EPS15L1: variants seen among roughly 807,000 people sequenced by gnomAD.
EPS15L1 encodes the protein epidermal growth factor receptor pathway substrate 15 like 1, also known as epidermal growth factor receptor substrate 15-like 1.
A neutral mutation model predicts 117.1 loss-of-function variants in EPS15L1; 43 were observed. That is an observed-to-expected ratio of 0.37 (90% CI 0.29 to 0.47). The LOEUF (loss-of-function observed/expected upper bound fraction) is 0.47. Ranked by LOEUF, EPS15L1 falls within the 20% of genes least tolerant of loss-of-function variation. The pLI, the probability that EPS15L1 is intolerant of heterozygous loss-of-function variation, is 0.99. For missense variants in EPS15L1, 981 were observed against 1,164.0 expected, an observed-to-expected ratio of 0.84 and a Z score of 2.29; for synonymous variants, 459 against 470.5, an observed-to-expected ratio of 0.98 and a Z score of 0.32.
intron 13 of EPS15L1, chr19:16,413,083 T>C: frequency 7.2e-6 from 5 of 693,038 alleles, no homozygotes; most frequent in Non-Finnish European, 1.3e-5. Flanking sequence ...TTTGTTGCTA[T>C]CGGGGACTAC....
intron 20 of EPS15L1, among the ~76,000 whole-genome samples, 159 bp from the exon 21 acceptor site, chr19:16,385,370 C>A (rs1449818599): frequency 6.6e-6 from 1 of 152,154 alleles, no homozygotes; most frequent in Non-Finnish European, 1.5e-5. Context: ...CTCAGCAAGG[C>A]CCCCCTGCCC....
At chr19:16,377,958 A>G (rs940128562) in intron 21 of EPS15L1, among the ~76,000 whole-genome samples, 1 of 152,124 alleles carries the variant, frequency 6.6e-6, no homozygotes, top group Admixed American at 6.5e-5. Flanking sequence ...CTCAAACCCA[A>G]ATCGGACCAT....
At chr19:16,400,922 C>G (rs918200010) in intron 16 of EPS15L1, 1 of 985,290 alleles carries the variant, frequency 1.0e-6, no homozygotes, top group Non-Finnish European at 1.2e-6. Context: ...AAGCTGTTCC[C>G]TGAACGAAGA....
intron 12 of EPS15L1, 105 bp downstream of exon 12, chr19:16,417,447 C>A: frequency 2.1e-6 from 2 of 940,756 alleles, no homozygotes; most frequent in Non-Finnish European, 3.3e-6. Flanking sequence ...TCTGAATAAA[C>A]CTGTGATGAG....
At chr19:16,428,278 C>T (rs113163724) in intron 8 of EPS15L1, among the ~76,000 whole-genome samples, 178 of 151,476 alleles carry the variant, frequency 1.2e-3, no homozygotes, top group African/African-American at 4.1e-3. Flanking sequence ...TTTGGGAGGC[C>T]GAGGCGGGTG....
rs756141315 is a variant in EPS15L1 at position 16,403,753 on chromosome 19, T to C, written c.1606A>G (p.Thr536Ala). The change falls in exon 15 of 24, where the codon ACG (threonine) becomes GCG (alanine). Residue 536 changes from threonine (T) to alanine (A), a missense_variant. By Grantham distance (58) the Thr-to-Ala change is moderately conservative (BLOSUM62 0). Coordinates refer to ENST00000455140, the MANE Select transcript of EPS15L1 (RefSeq NM_001258374.3). ...LETIIKSLKS[T>A]QDEINQARSK... Reference sequence around the variant, plus strand: ...AGTACCTGGTTGATTTCGTCTTGCGTTGACTTCAGGGACTTGATGATGGTT... The same window carrying C: ...AGTACCTGGTTGATTTCGTCTTGCGCTGACTTCAGGGACTTGATGATGGTT... 11 of 1,613,144 alleles carry C rather than the reference T, an allele frequency of 6.8e-6. No homozygotes were observed. The highest frequency in any genetic ancestry group is 9.3e-6 in the Non-Finnish European group (11 of 1,180,010).
At chr19:16,364,765 G>GGCT (rs772930096) in intron 22 of EPS15L1, among the ~76,000 whole-genome samples, 44 of 152,254 alleles carry the variant, frequency 2.9e-4, no homozygotes, top group Non-Finnish European at 5.2e-4. Context: ...GAGCAGAAGG[G>GGCT]GCTCCCTAGG....
chr19:16,450,534 G>A (rs1410431740), intron 1 of EPS15L1, among the ~76,000 whole-genome samples: 1 of 146,408 alleles, frequency 6.8e-6, no homozygotes, highest in Non-Finnish European at 1.5e-5. Flanking sequence ...AGGCTGGAGT[G>A]CAATGGTGCG....
intron 1 of EPS15L1, among the ~76,000 whole-genome samples, chr19:16,460,693 G>T (rs1280237352): frequency 1.3e-5 from 2 of 152,180 alleles, no homozygotes; most frequent in African/African-American, 4.8e-5. Flanking sequence ...CAGCACGGGG[G>T]TGCCGCGGGC....
rs2092777600 is a variant in EPS15L1 at position 16,418,090 on chromosome 19, G to C, written c.965C>G (p.Thr322Arg). 1.2e-6 allele frequency: 2 copies of C among 1,613,626 alleles called. No homozygotes were observed. The highest frequency in any genetic ancestry group is 1.7e-6 in the Non-Finnish European group (2 of 1,179,668). Reference sequence around the variant, plus strand: ...TTTGCTTAACTTCCCCGTTTGCCTCGTATCGGCCAGGGCCCTGGGAGAAAC... The same window carrying C: ...TTTGCTTAACTTCCCCGTTTGCCTCCTATCGGCCAGGGCCCTGGGAGAAAC... ...LLAHIWALAD[T>R]RQTGKLSKDQ... Residue 322 changes from threonine (T) to arginine (R), a missense_variant, in exon 11 of 24, where the codon ACG becomes AGG. By Grantham distance (71) the Thr-to-Arg change is moderately conservative. Transcript: ENST00000455140.
At position 16,431,433 on chromosome 19, in the gene EPS15L1, C is replaced by A. The variant is rs183818439; in HGVS notation, c.499-2672G>T. On this transcript the variant is annotated intron_variant, in intron 7 of 23. Transcript: ENST00000455140. ...ATTCTCCTGCCTCAGCTTCCCGAGT[C>A]GCTGGGACTACATGAGTGTGCCACC... is the stretch of plus-strand genomic sequence containing the variant. 2.2e-4 allele frequency among the ~76,000 whole-genome samples: 33 copies of A among 151,200 alleles called. No individual in the cohort carries two copies. The East Asian group carries it at 5.2e-3, about 24-fold the overall frequency.
chr19:16,363,248 T>C (rs1368155334), intron 22 of EPS15L1, among the ~76,000 whole-genome samples: 1 of 152,156 alleles, frequency 6.6e-6, no homozygotes, highest in East Asian at 1.9e-4. Context: ...CTCAATAATA[T>C]GCAACACGAT....
chr19:16,412,426 G>T (rs554305601), intron 13 of EPS15L1, among the ~76,000 whole-genome samples: 1 of 152,098 alleles, frequency 6.6e-6, no homozygotes, highest in African/African-American at 2.4e-5. Context: ...CTTGAACCCA[G>T]GAGGCGGAAA....
rs1375697425 is a variant in EPS15L1 at position 16,371,901 on chromosome 19, G to A, written c.2380+5221C>T. On this transcript the variant is annotated intron_variant, in intron 22 of 23. Transcript: ENST00000455140. This position sits in a 1 kb window ranked among gnomAD's most constrained non-coding sequence, Gnocchi z 4.7. ...TTTACCTGGGGGAGGTGTGTGCCAC[G>A]GCTAACTTTAACCTAACTCTAACTG... Among the ~76,000 whole-genome samples, 5 of 152,312 alleles carry A rather than the reference G, an allele frequency of 3.3e-5. No individual in the cohort carries two copies. Among genetic ancestry groups the A allele is most frequent in the Admixed American group, 6.5e-5 (1 of 15,304 alleles).
chr19:16,437,730 G>C, intron 5 of EPS15L1, 40 bp downstream of exon 5: 1 of 1,395,624 alleles, frequency 7.2e-7, no homozygotes, highest in Middle Eastern at 1.8e-4. Context: ...CACACATCTG[G>C]TATTAGAAGA....
intron 12 of EPS15L1, chr19:16,417,289 C>T (rs2092767254): frequency 8.8e-6 from 4 of 454,730 alleles, no homozygotes; most frequent in South Asian, 4.1e-5. Flanking sequence ...TGGGACCACA[C>T]AGCTGCCACC....
chr19:16,386,654 G>A (rs1265728246), intron 19 of EPS15L1, among the ~76,000 whole-genome samples: 1 of 152,202 alleles, frequency 6.6e-6, no homozygotes, highest in Non-Finnish European at 1.5e-5. Flanking sequence ...CCACTCCCAG[G>A]GGAAAGGAAG....
At chr19:16,364,747 G>A (rs3786579) in intron 22 of EPS15L1, among the ~76,000 whole-genome samples, 20,267 of 152,156 alleles carry the variant, frequency 0.13, 1,399 homozygotes, top group Non-Finnish European at 0.15. Context: ...GCCCCAGGCT[G>A]TCCACTGGAG....
At chr19:16,447,128 TTCTGCGGG>T (rs1168357569) in intron 1 of EPS15L1, among the ~76,000 whole-genome samples, 1 of 152,178 alleles carries the variant, frequency 6.6e-6, no homozygotes, top group Admixed American at 6.5e-5. Context: ...CCGGCCCACA[TTCTGCGGG>T]TGAGATAACC....
Sources: gnomAD v4.1 joint callset for allele counts (sites outside exome capture counted in the v4.1 genomes callset) on GRCh38, gnomAD v4.1.1 for gene constraint, Gnocchi (gnomAD v3.1) non-coding constraint, MANE v1.5 for transcripts, NCBI Gene and HGNC (gene_info 2026-07-23, HGNC 2026-07-21) for gene names.